The following C6 variants were observed in gnomAD, a reference collection of about 807,000 sequenced individuals.
C6 encodes complement component C6.
In C6, 101 loss-of-function variants were observed where a neutral mutation model predicts 112.9. The ratio of observed to expected loss-of-function variants is 0.89; its 90% CI spans 0.76 to 1.06. C6 has a LOEUF of 1.06. Ranked by LOEUF, C6 falls within the 50% of genes least tolerant of loss-of-function variation. The probability of loss-of-function intolerance (pLI) is 0.00; values close to 1 mark genes in which losing one functional copy is unlikely to be tolerated. For missense variants in C6, 1,202 were observed against 1,104.6 expected (o/e 1.09, Z -1.25); for synonymous variants, 431 against 384.1 (o/e 1.12, Z -1.43).
chr5:41,215,835 A>G (rs1752178992), upstream of C6, among the ~76,000 whole-genome samples: 1 of 152,150 alleles, frequency 6.6e-6, no homozygotes, highest in South Asian at 2.1e-4. Context: ...CAAGAAAATA[A>G]CCACAAATAT....
intron 15 of C6, among the ~76,000 whole-genome samples, chr5:41,151,684 A>G (rs1180311111): frequency 6.6e-6 from 1 of 152,146 alleles, no homozygotes; most frequent in Admixed American, 6.6e-5. Flanking sequence ...GAGGGGACAG[A>G]TCCAAAACTT....
At chr5:41,189,889 A>T (rs1328526720) in intron 5 of C6, among the ~76,000 whole-genome samples, 1 of 152,066 alleles carries the variant, frequency 6.6e-6, no homozygotes, top group Non-Finnish European at 1.5e-5. Flanking sequence ...TTTCTGGCTT[A>T]TTTCACTTAA....
At chr5:41,146,676 T>A (rs146777784) in intron 17 of C6, among the ~76,000 whole-genome samples, 2 of 152,308 alleles carry the variant, frequency 1.3e-5, no homozygotes, top group East Asian at 1.9e-4. Flanking sequence ...CCTAAATATA[T>A]CTTCTATTAA....
chr5:41,238,198 T>C, intron 1 of C6, among the ~76,000 whole-genome samples: 1 of 120,418 alleles, frequency 8.3e-6, no homozygotes, highest in Non-Finnish European at 1.7e-5. Flanking sequence ...AAGCTACCAA[T>C]GACTTTCTTC....
At chr5:41,190,332 T>C (rs1192504447) in intron 5 of C6, among the ~76,000 whole-genome samples, 2 of 152,214 alleles carry the variant, frequency 1.3e-5, no homozygotes, top group African/African-American at 2.4e-5. Context: ...TACCTCATTG[T>C]AGTTTGATTT....
At position 41,149,361 on chromosome 5, in the gene C6, C is replaced by T; in HGVS notation, c.2503G>A (p.Gly835Ser). ...NNQQLHFLHIGSCQDGRQLEW... is the reference protein window; with the variant it reads ...NNQQLHFLHISSCQDGRQLEW... The stretch of plus-strand genomic sequence containing the variant: ...AACTGGCGGCCGTCTTGGCAGGAAC[C>T]AATATGTAGAAAATGGAGTTGCTGA... Residue 835 changes from glycine (G) to serine (S), a missense_variant, in exon 17 of 18, where the codon GGT (glycine) becomes AGT (serine). Gly to Ser is a moderately conservative substitution (Grantham distance 56). Transcript: ENST00000337836. 6.2e-7 allele frequency: 1 copy of T among 1,614,068 alleles called. No individual in the cohort carries two copies. The highest frequency in any genetic ancestry group is 8.5e-7 in the Non-Finnish European group (1 of 1,179,986).
intron 3 of C6, among the ~76,000 whole-genome samples, chr5:41,200,491 G>A (rs931907521): frequency 6.6e-6 from 1 of 152,130 alleles, no homozygotes; most frequent in African/African-American, 2.4e-5. Context: ...GTATTCTTGG[G>A]CAAATTACTT....
At chr5:41,186,548 A>G (rs77011570) in intron 5 of C6, among the ~76,000 whole-genome samples, 1 of 152,170 alleles carries the variant, frequency 6.6e-6, no homozygotes, top group Non-Finnish European at 1.5e-5. Flanking sequence ...AAGTTATTAT[A>G]TAATAAATGC....
At chr5:41,159,345 T>C in intron 11 of C6, 92 bp from the exon 12 acceptor site, 1 of 1,522,136 alleles carries the variant, frequency 6.6e-7, no homozygotes, top group Non-Finnish European at 8.9e-7. Context: ...ACTTTTTAGC[T>C]CAGTAACTTC....
chr5:41,181,349 T>C lies in C6; in HGVS notation c.927+10A>G. The C allele has an allele frequency of 6.2e-7, 1 of 1,612,514 alleles. No homozygotes were observed. The highest frequency in any genetic ancestry group is 1.7e-4 in the Middle Eastern group (1 of 6,052). ...AGAAAGAATAAAAGGTTGGAAACCA[T>C]TTTTGATACCTTTTTGTGAGAGGCT... is the stretch of plus-strand genomic sequence containing the variant. On this transcript the variant is annotated intron_variant, in intron 7 of 17. Coordinates refer to ENST00000337836, the MANE Select transcript of C6 (RefSeq NM_000065.5).
chr5:41,210,434 T>C (rs942670595), intron 1 of C6, among the ~76,000 whole-genome samples: 4 of 152,132 alleles, frequency 2.6e-5, no homozygotes, highest in Admixed American at 1.3e-4. Context: ...ACAGGCAACC[T>C]ACAGAATGGG....
intron 9 of C6, among the ~76,000 whole-genome samples, chr5:41,170,053 T>G (rs1181397761): frequency 1.3e-5 from 2 of 152,188 alleles, no homozygotes; most frequent in African/African-American, 4.8e-5. Flanking sequence ...TTGAACAATA[T>G]TTCCCTGTAT....
chr5:41,188,099 A>G (rs967930963), intron 5 of C6, among the ~76,000 whole-genome samples: 1 of 152,182 alleles, frequency 6.6e-6, no homozygotes, highest in African/African-American at 2.4e-5. Flanking sequence ...CATATACTGA[A>G]AAGTATAAAC....
intron 1 of C6, among the ~76,000 whole-genome samples, chr5:41,229,492 C>A (rs1213916671): frequency 6.6e-6 from 1 of 151,770 alleles, no homozygotes; most frequent in South Asian, 2.1e-4. Context: ...TCAAATTTTC[C>A]TCCTGTTATT....
intron 10 of C6, 23 bp downstream of exon 10, chr5:41,161,670 C>G: frequency 6.2e-7 from 1 of 1,603,782 alleles, no homozygotes; most frequent in South Asian, 1.1e-5. Flanking sequence ...AGATCTCTTA[C>G]CTGGAATAAT....
At chr5:41,186,265 A>T (rs912370711) in intron 5 of C6, 57 bp from the exon 6 acceptor site, 17 of 1,587,384 alleles carry the variant, frequency 1.1e-5, no homozygotes, top group Middle Eastern at 1.9e-4. Context: ...TTTAAAATTT[A>T]CCTTAGTTAT....
intron 1 of C6, among the ~76,000 whole-genome samples, chr5:41,207,574 G>A (rs9654382): frequency 0.87 from 133,131 of 152,160 alleles, 58,343 homozygotes; most frequent in Admixed American, 0.93. Context: ...CAGGTGTTGC[G>A]ATCCTAGTCT....
intron 1 of C6, among the ~76,000 whole-genome samples, chr5:41,245,915 C>T (rs1740992910): frequency 6.6e-6 from 1 of 152,010 alleles, no homozygotes; most frequent in South Asian, 2.1e-4. Flanking sequence ...AAAGTAATGC[C>T]ATTTTAGTTT....
intron 1 of C6, among the ~76,000 whole-genome samples, chr5:41,206,582 C>T (rs749273850): frequency 6.6e-6 from 1 of 152,128 alleles, no homozygotes; most frequent in African/African-American, 2.4e-5. Context: ...GACGCATGCA[C>T]AAGCTTCAGT....
Sources: gnomAD v4.1 joint callset for allele counts (sites outside exome capture counted in the v4.1 genomes callset) on GRCh38, gnomAD v4.1.1 for gene constraint, MANE v1.5 for transcripts, NCBI Gene and HGNC (gene_info 2026-07-23, HGNC 2026-07-21) for gene names.